Variants in SEMA3D observed in about 807,000 individuals in gnomAD.
SEMA3D encodes semaphorin-3D.
SEMA3D carries 84 observed loss-of-function variants against 100.1 expected under a neutral mutation model. The observed-to-expected ratio is 0.84, with a 90% CI of 0.70 to 1.01. The LOEUF (loss-of-function observed/expected upper bound fraction) is 1.01. Ranked by LOEUF, SEMA3D falls within the 50% of genes least tolerant of loss-of-function variation. The probability of loss-of-function intolerance (pLI) is 0.00; values close to 1 mark genes in which losing one functional copy is unlikely to be tolerated. For missense variants in SEMA3D, 875 were observed against 934.1 expected (o/e 0.94, Z 0.82); for synonymous variants, 312 against 320.7 (o/e 0.97, Z 0.29).
chr7:85,138,626 A>G (rs1359641448), intron 2 of SEMA3D, among the ~76,000 whole-genome samples: 2 of 141,578 alleles, frequency 1.4e-5, no homozygotes, highest in African/African-American at 2.7e-5. Context: ...AATTTATAAT[A>G]TATAAATTAA....
chr7:85,228,351 A>C, the SEMA3D span, among the ~76,000 whole-genome samples: 4 of 152,026 alleles, frequency 2.6e-5, no homozygotes, highest in African/African-American at 9.7e-5. Flanking sequence ...CAATTTTCCG[A>C]ATGGTAATTT....
At chr7:85,129,077 G>A (rs975904137) in intron 2 of SEMA3D, among the ~76,000 whole-genome samples, 1 of 150,986 alleles carries the variant, frequency 6.6e-6, no homozygotes, top group African/African-American at 2.4e-5. Flanking sequence ...GTAGAGATAG[G>A]GTCTCACTAT....
chr7:85,243,392 A>G, the SEMA3D span, among the ~76,000 whole-genome samples: 1 of 152,046 alleles, frequency 6.6e-6, no homozygotes, highest in Non-Finnish European at 1.5e-5. Context: ...GTTCACACTA[A>G]TTCTCCAGCA....
intron 12 of SEMA3D, chr7:85,029,256 G>A (rs1330352084): frequency 3.8e-6 from 3 of 789,450 alleles, no homozygotes; most frequent in African/African-American, 1.7e-5. Flanking sequence ...CATCCTCAAT[G>A]TCTACTCTCA....
chr7:85,223,537 T>A, the SEMA3D span, among the ~76,000 whole-genome samples: 1 of 151,526 alleles, frequency 6.6e-6, no homozygotes, highest in South Asian at 2.1e-4. Flanking sequence ...ATATCATATA[T>A]TTGTGTGTGT....
chr7:85,019,294 T>C (rs2115833970), intron 14 of SEMA3D, among the ~76,000 whole-genome samples: 1 of 151,896 alleles, frequency 6.6e-6, no homozygotes, highest in East Asian at 2.0e-4. Flanking sequence ...TTATAGGCAC[T>C]GTATTTTTGG....
intron 2 of SEMA3D, chr7:85,144,745 T>C: frequency 2.5e-6 from 2 of 792,860 alleles, no homozygotes; most frequent in Non-Finnish European, 3.1e-6. Context: ...TATGTCTGAA[T>C]GGTGTAAAGC....
chr7:85,121,118 T>C (rs1416883628), intron 3 of SEMA3D, among the ~76,000 whole-genome samples: 7 of 152,128 alleles, frequency 4.6e-5, no homozygotes, highest in Admixed American at 4.6e-4. Context: ...CCGGAGTACA[T>C]CAAAAAGGAA....
intron 12 of SEMA3D, among the ~76,000 whole-genome samples, chr7:85,033,804 AAC>A (rs1439750459): frequency 4.0e-5 from 6 of 151,768 alleles, no homozygotes; most frequent in African/African-American, 1.5e-4. Flanking sequence ...CCAAAGTATT[AAC>A]AGAGTAAAAT....
intron 1 of SEMA3D, among the ~76,000 whole-genome samples, chr7:85,157,043 T>A (rs894179509): frequency 5.3e-5 from 8 of 152,182 alleles, no homozygotes; most frequent in African/African-American, 1.9e-4. Context: ...CTGTGCAGAG[T>A]CTGACGTGCT....
chr7:85,145,383 T>G (rs1443811353), intron 2 of SEMA3D, among the ~76,000 whole-genome samples: 1 of 152,086 alleles, frequency 6.6e-6, no homozygotes, highest in African/African-American at 2.4e-5. Context: ...TTAAATCAAA[T>G]AATTATATAA....
chr7:85,151,568 G>A lies in SEMA3D; in HGVS notation c.-41+2040C>T, dbSNP rs180886142. On this transcript the variant is annotated intron_variant, in intron 2 of 18. Transcript: ENST00000284136. ...TCTATGCTGGTTAAAATAGAGCACC[G>A]TAGTTGATGTGTGTATGCATGTGTG... The A allele has an allele frequency of 7.4e-4, 656 of 883,198 alleles. 3 individuals are homozygous for A. Among genetic ancestry groups the A allele is most frequent in the Middle Eastern group, 2.9e-3 (5 of 1,752 alleles). The allele number at this position is 883,198 out of a possible 1,614,324, so 54.7% of individuals were successfully genotyped here.
intron 1 of SEMA3D, among the ~76,000 whole-genome samples, chr7:85,173,772 G>T (rs965355049): frequency 1.3e-5 from 2 of 151,944 alleles, no homozygotes; most frequent in African/African-American, 2.4e-5. Flanking sequence ...TTAAAAAATG[G>T]GACACTGAGA....
At position 85,168,869 on chromosome 7, in the gene SEMA3D, GAAAGAAAGA is replaced by G. The variant is rs1562843165; in HGVS notation, c.-172-15139_-172-15131del. Among the ~76,000 whole-genome samples, 330 of 114,172 alleles carry G rather than the reference GAAAGAAAGA, an allele frequency of 2.9e-3. 3 individuals are homozygous for G. The highest frequency in any genetic ancestry group is 0.011 in the African/African-American group (316 of 29,980). 74.9% of individuals were successfully genotyped at this position (114,172 alleles called of 152,430 possible). On this transcript the variant is annotated intron_variant, in intron 1 of 18. Coordinates refer to ENST00000284136, the MANE Select transcript of SEMA3D (RefSeq NM_001384900.1). ...AGAAAGAAAGAAAGAAAGAAAGAAA[GAAAGAAAGA>G]AAAGAAAGAAAGAAAAAGAGAAACA...
At chr7:85,194,404 T>C in the SEMA3D span, among the ~76,000 whole-genome samples, 2 of 152,170 alleles carry the variant, frequency 1.3e-5, no homozygotes, top group Non-Finnish European at 2.9e-5. Context: ...ACAGTTTTCA[T>C]CATGAATGGG....
At chr7:85,122,806 A>T (rs2116407743) in intron 2 of SEMA3D, among the ~76,000 whole-genome samples, 1 of 152,334 alleles carries the variant, frequency 6.6e-6, no homozygotes, top group African/African-American at 2.4e-5. Context: ...ATAGAAAAAC[A>T]AATTCCAAAA....
At chr7:85,073,126 T>C (rs1313641791) in intron 5 of SEMA3D, 45 bp from the exon 6 acceptor site, 1 of 1,579,664 alleles carries the variant, frequency 6.3e-7, no homozygotes. Context: ...AATTCAGGTT[T>C]TTGAAATATT....
chr7:85,240,727 G>A, the SEMA3D span, among the ~76,000 whole-genome samples: 1 of 152,104 alleles, frequency 6.6e-6, no homozygotes, highest in South Asian at 2.1e-4. Context: ...AGATAATTAT[G>A]TCTTTCAAGG....
At chr7:85,111,577 A>C (rs1461522453) in intron 3 of SEMA3D, among the ~76,000 whole-genome samples, 3 of 152,016 alleles carry the variant, frequency 2.0e-5, no homozygotes, top group Non-Finnish European at 4.4e-5. Context: ...TAATTCTCAC[A>C]TGAATTATTA....
Sources: allele counts gnomAD v4.1 joint callset (sites outside exome capture counted in the v4.1 genomes callset), GRCh38; gene constraint gnomAD v4.1.1; transcripts MANE v1.5; gene names NCBI Gene and HGNC (gene_info 2026-07-23, HGNC 2026-07-21).